Variants in XPNPEP1 observed in about 807,000 individuals in gnomAD.
XPNPEP1 encodes xaa-Pro aminopeptidase 1.
XPNPEP1 carries 39 observed loss-of-function variants against 92.4 expected under a neutral mutation model. That is an observed-to-expected ratio of 0.42 (90% confidence interval 0.33 to 0.55). The LOEUF is 0.55. Among genes scored for constraint, XPNPEP1 ranks in the 20% least tolerant of loss-of-function variants. The pLI, the probability that XPNPEP1 is intolerant of heterozygous loss-of-function variation, is 0.08. For synonymous variants in XPNPEP1, 307 were observed against 299.4 expected (o/e 1.03, Z -0.26); for missense variants, 654 against 856.1 (o/e 0.76, Z 2.95).
intron 1 of XPNPEP1, 169 bp downstream of exon 1, chr10:109,923,233 C>A (rs1850656185): frequency 1.0e-6 from 1 of 985,246 alleles, no homozygotes; most frequent in Non-Finnish European, 1.2e-6. Flanking sequence ...CCTCATGGAC[C>A]CCTTCCCCCG....
At chr10:109,902,201 G>A (rs1012326907) in intron 3 of XPNPEP1, among the ~76,000 whole-genome samples, 4 of 152,154 alleles carry the variant, frequency 2.6e-5, no homozygotes, top group Admixed American at 6.5e-5. Flanking sequence ...CAACAATAGC[G>A]GCAGCTAATA....
At chr10:109,906,290 T>C (rs538617314) in intron 3 of XPNPEP1, among the ~76,000 whole-genome samples, 3 of 152,264 alleles carry the variant, frequency 2.0e-5, no homozygotes, top group Admixed American at 6.5e-5. Context: ...ATCCTGGACT[T>C]TGAATTTGGG....
At chr10:109,871,926 G>A in intron 16 of XPNPEP1, 65 bp from the exon 17 acceptor site, 1 of 1,481,458 alleles carries the variant, frequency 6.8e-7, no homozygotes, top group Non-Finnish European at 9.2e-7. Flanking sequence ...TAGTTTTCTG[G>A]TAGTTCAGAA....
chr10:109,888,679 C>T, intron 5 of XPNPEP1, 84 bp from the exon 6 acceptor site: 1 of 1,125,724 alleles, frequency 8.9e-7, no homozygotes, highest in South Asian at 1.7e-5. Flanking sequence ...TCTCTAACAT[C>T]ATGATAGCAG....
chr10:109,887,964 G>T, intron 7 of XPNPEP1, 85 bp downstream of exon 7: 1 of 1,548,894 alleles, frequency 6.5e-7, no homozygotes, highest in East Asian at 2.3e-5. Flanking sequence ...ACTCGACTTG[G>T]ATTCGGAGGA....
At chr10:109,888,901 C>T (rs2273738) in intron 5 of XPNPEP1, among the ~76,000 whole-genome samples, 35,629 of 152,132 alleles carry the variant, frequency 0.23, 5,416 homozygotes, top group African/African-American at 0.41. Context: ...ACACACATGG[C>T]GTCACCACAA....
intron 4 of XPNPEP1, 28 bp from the exon 5 acceptor site, chr10:109,891,854 G>A (rs773199643): frequency 6.2e-7 from 1 of 1,606,464 alleles, no homozygotes; most frequent in Non-Finnish European, 8.5e-7. Context: ...AAAAAAAGAA[G>A]AAGAAAGGTT....
At position 109,916,409 on chromosome 10, in the gene XPNPEP1, T is replaced by C. The variant is rs908907448; in HGVS notation, c.33-1310A>G. Among the ~76,000 whole-genome samples the C allele has an allele frequency of 7.9e-5, 12 of 152,212 alleles. No individual in the cohort carries two copies. The East Asian group carries it at 1.2e-3, about 15-fold the overall frequency. On this transcript the variant is annotated intron_variant, in intron 1 of 20. Transcript: ENST00000502935. The stretch of plus-strand genomic sequence containing the variant: ...GGTAAGTGGTTCAGAGACAACATCA[T>C]TGAGGCACCAGGGGGCCTACTGTGG...
intron 3 of XPNPEP1, among the ~76,000 whole-genome samples, chr10:109,904,968 A>G (rs1849478133): frequency 6.6e-6 from 1 of 152,198 alleles, no homozygotes. Context: ...ACCCATGTTC[A>G]TTGCAACATT....
At chr10:109,870,618 G>T (rs1287353871) in intron 18 of XPNPEP1, 113 bp downstream of exon 18, 16 of 1,378,020 alleles carry the variant, frequency 1.2e-5, no homozygotes, top group Non-Finnish European at 1.5e-5. Context: ...AAGTTTGTTG[G>T]AAGGGAAAAG....
At chr10:109,880,740 AGATTCTAACCTT>A in intron 11 of XPNPEP1, 90 bp downstream of exon 11, 2 of 1,145,278 alleles carry the variant, frequency 1.7e-6, no homozygotes, top group Admixed American at 2.4e-5. Context: ...AGGCTCAGAG[AGATTCTAACCTT>A]GTGCCAGGCT....
intron 14 of XPNPEP1, chr10:109,877,140 G>A (rs1847828584): frequency 6.6e-6 from 1 of 152,580 alleles, no homozygotes; most frequent in Admixed American, 6.5e-5. Context: ...CAAAACAGCT[G>A]CTGTTACCAA....
chr10:109,870,320 A>G (rs1847385241), intron 18 of XPNPEP1, among the ~76,000 whole-genome samples: 1 of 151,012 alleles, frequency 6.6e-6, no homozygotes. Flanking sequence ...CATCCGTAAG[A>G]CACAATAATG....
At chr10:109,886,807 T>A (rs566778552) in intron 7 of XPNPEP1, among the ~76,000 whole-genome samples, 1 of 152,254 alleles carries the variant, frequency 6.6e-6, no homozygotes, top group African/African-American at 2.4e-5. Flanking sequence ...ACTCACCCAG[T>A]CTCAGGGGTC....
chr10:109,911,519 T>C (rs1849871386), intron 2 of XPNPEP1, among the ~76,000 whole-genome samples: 1 of 152,110 alleles, frequency 6.6e-6, no homozygotes, highest in African/African-American at 2.4e-5. Flanking sequence ...CCACTGGGGG[T>C]TCAAAATAAA....
chr10:109,893,067 A>G lies in XPNPEP1; in HGVS notation c.255T>C (p.Tyr85=), dbSNP rs1455179284. 1 of 1,613,694 alleles carries G rather than the reference A, an allele frequency of 6.2e-7. No individual in the cohort carries two copies. The highest frequency in any genetic ancestry group is 8.5e-7 in the Non-Finnish European group (1 of 1,179,830). The change falls in exon 4 of 21, where the codon TAT becomes TAC. Residue 85 remains tyrosine (Y), a synonymous_variant. Coordinates refer to ENST00000502935, the MANE Select transcript of XPNPEP1 (RefSeq NM_020383.4). ...IPSGDAHQSE[Y]IAPCDCRRAF... ...CCCGCCGACAGTCACATGGAGCAAT[A>G]TACTCACTCTGGAAAACAAAGATGA... is the stretch of plus-strand genomic sequence containing the variant.
Position 109,870,841 on chromosome 10 carries a change from C to T in XPNPEP1, c.1586G>A (p.Gly529Glu). The T allele has an allele frequency of 6.2e-7, 1 of 1,614,124 alleles. No homozygotes were observed. The highest frequency in any genetic ancestry group is 2.2e-5 in the East Asian group (1 of 44,868). The change falls in exon 18 of 21, where the codon GGG (glycine) becomes GAG (glutamate). Residue 529 changes from glycine to glutamate, a missense_variant. By Grantham distance (98) the Gly-to-Glu change is moderately conservative. Coordinates refer to ENST00000502935, the MANE Select transcript of XPNPEP1 (RefSeq NM_020383.4). ...LWDSGLDYLH[G>E]TGHGVGSFLN... The stretch of plus-strand genomic sequence containing the variant: ...AAAAGACCCAACACCATGTCCAGTC[C>T]CGTGCAAGTAATCTAGGCCTGAATC...
chr10:109,884,273 A>G (rs529479115), intron 8 of XPNPEP1, 125 bp from the exon 9 acceptor site: 2 of 904,906 alleles, frequency 2.2e-6, no homozygotes, highest in Admixed American at 2.6e-5. Context: ...GGAATCGCAC[A>G]GAAAGGCTGG....
intron 16 of XPNPEP1, 84 bp from the exon 17 acceptor site, chr10:109,871,945 C>A: frequency 7.3e-7 from 1 of 1,376,170 alleles, no homozygotes. Flanking sequence ...AAAATCCTGC[C>A]TGCTAAAGTT....
Sources: gnomAD v4.1 joint callset for allele counts (sites outside exome capture counted in the v4.1 genomes callset) on GRCh38, gnomAD v4.1.1 for gene constraint, MANE v1.5 for transcripts, NCBI Gene and HGNC (gene_info 2026-07-23, HGNC 2026-07-21) for gene names.